Variants in PTGR1 observed in about 807,000 individuals in gnomAD.
PTGR1 encodes the protein 15-oxoprostaglandin 13-reductase.
Under a neutral mutation model 37.7 loss-of-function variants are expected in PTGR1, and 23 were observed. The ratio of observed to expected loss-of-function variants is 0.61; its 90% CI spans 0.44 to 0.86. The LOEUF (loss-of-function observed/expected upper bound fraction) is 0.86, where lower values mean the gene tolerates loss of function less well. PTGR1 is among the 40% of genes least tolerant of loss of function. The pLI is 0.00. For synonymous variants in PTGR1, 134 were observed against 140.0 expected (o/e 0.96, Z 0.30); for missense variants, 351 against 394.3 (o/e 0.89, Z 0.93).
chr9:111,549,797 G>C (rs1210107226), exon 10 of PTGR1: 3 of 1,527,652 alleles, frequency 2.0e-6, no homozygotes, highest in East Asian at 2.5e-5. Flanking sequence ...TTTCTCTTTT[G>C]ATCTGTCAAC....
At chr9:111,595,919 C>T (rs1175198640) in intron 2 of PTGR1, among the ~76,000 whole-genome samples, 2 of 152,044 alleles carry the variant, frequency 1.3e-5, no homozygotes, top group Non-Finnish European at 2.9e-5. Flanking sequence ...AGGTGTGAGC[C>T]GCCACACCCA....
downstream of PTGR1, among the ~76,000 whole-genome samples, chr9:111,559,865 CA>C (rs1316932471): frequency 6.6e-6 from 1 of 152,188 alleles, no homozygotes. Context: ...CCCTGTCCTT[CA>C]GGCATTCCTT....
intron 1 of PTGR1, among the ~76,000 whole-genome samples, chr9:111,598,785 G>T (rs1829856780): frequency 6.6e-6 from 1 of 152,120 alleles, no homozygotes; most frequent in South Asian, 2.1e-4. Context: ...GTGAGCCACC[G>T]CGCCAGGCCC....
downstream of PTGR1, among the ~76,000 whole-genome samples, chr9:111,559,220 G>A (rs1828205832): frequency 6.6e-6 from 1 of 152,032 alleles, no homozygotes; most frequent in Admixed American, 6.5e-5. Context: ...CCTCTGCTAG[G>A]GATCACATAC....
At chr9:111,597,266 G>T (rs1007542419) in intron 2 of PTGR1, 51 bp downstream of exon 2, 1 of 1,372,800 alleles carries the variant, frequency 7.3e-7, no homozygotes, top group South Asian at 1.2e-5. Context: ...TGCAGCAAAA[G>T]CTAACTGATA....
chr9:111,551,394 GTTTTTGTTTTTTTTTTTTT>G (rs1378390222), intron 9 of PTGR1, among the ~76,000 whole-genome samples: 1 of 115,498 alleles, frequency 8.7e-6, no homozygotes, highest in African/African-American at 3.4e-5. Flanking sequence ...CAAGTATCCA[GTTTTTGTTTTTTTTTTTTT>G]TTTTTTTTTT....
At chr9:111,591,583 T>A (rs1007322660) in intron 4 of PTGR1, among the ~76,000 whole-genome samples, 17 of 151,934 alleles carry the variant, frequency 1.1e-4, no homozygotes, top group African/African-American at 3.6e-4. Context: ...TTGGCCAGGC[T>A]GGTCTCGAAC....
In PTGR1 at chr9:111,587,279, A is replaced by G. The variant is rs537574000; in HGVS notation, c.210-1114T>C. On this transcript the variant is annotated intron_variant, in intron 4 of 9. Coordinates refer to ENST00000407693, the MANE Select transcript of PTGR1 (RefSeq NM_001146108.2). ...ATCCAACTCTTTATCCTTCTTTACC[A>G]TCTTTCCTTCCCAGATCATAAAGTT... 2.0e-5 allele frequency among the ~76,000 whole-genome samples: 3 copies of G among 152,058 alleles called. No individual in the cohort carries two copies. The East Asian group carries it at 5.8e-4, about 29-fold the overall frequency.
At chr9:111,558,481 C>A (rs1015136040), downstream of PTGR1, among the ~76,000 whole-genome samples, 1 of 152,122 alleles carries the variant, frequency 6.6e-6, no homozygotes, top group African/African-American at 2.4e-5. Context: ...AGTTTGAAGT[C>A]AGCCTGGACA....
intron 9 of PTGR1, among the ~76,000 whole-genome samples, chr9:111,567,221 C>T (rs937131428): frequency 6.6e-6 from 1 of 152,152 alleles, no homozygotes; most frequent in Non-Finnish European, 1.5e-5. Context: ...TGGAGTTGTA[C>T]TCTGTCACTG....
chr9:111,599,000 T>G (rs1004080556), intron 1 of PTGR1, among the ~76,000 whole-genome samples: 2 of 152,108 alleles, frequency 1.3e-5, no homozygotes, highest in Non-Finnish European at 2.9e-5. Flanking sequence ...TCGTTATTTC[T>G]ATGAGTTCAA....
rs1352834946 is a variant in PTGR1, at chr9:111,596,003, C to T, written c.106+1314G>A. On this transcript the variant is annotated intron_variant, in intron 2 of 9. Coordinates refer to ENST00000407693, the MANE Select transcript of PTGR1 (RefSeq NM_001146108.2). ...TGCTTACCTCACTGCCATCATCAGG[C>T]TTATGAGGATAGAGAGGACATCCTC... Among the ~76,000 whole-genome samples, 6 of 152,264 alleles carry T rather than the reference C, an allele frequency of 3.9e-5. No individual in the cohort carries two copies. The East Asian group carries it at 1.2e-3, about 29-fold the overall frequency.
At chr9:111,592,721 G>T in intron 4 of PTGR1, 2 of 594,602 alleles carry the variant, frequency 3.4e-6, no homozygotes, top group Non-Finnish European at 5.3e-6. Context: ...GCAAAGTGAA[G>T]CTGAAAAAAT....
At chr9:111,564,189 G>A (rs1331699626) in intron 9 of PTGR1, 1 of 1,043,026 alleles carries the variant, frequency 9.6e-7, no homozygotes, top group Non-Finnish European at 1.2e-6. Flanking sequence ...GTATTCCAGT[G>A]ATGGCTTAGC....
At chr9:111,585,494 A>G (rs4979009) in intron 5 of PTGR1, among the ~76,000 whole-genome samples, 57,854 of 152,120 alleles carry the variant, frequency 0.38, 11,760 homozygotes, top group African/African-American at 0.52. Flanking sequence ...GTAAGAAGGT[A>G]TTAATTTTAG....
chr9:111,558,335 C>G (rs1003765306), downstream of PTGR1, among the ~76,000 whole-genome samples: 1 of 152,096 alleles, frequency 6.6e-6, no homozygotes, highest in Non-Finnish European at 1.5e-5. Context: ...TGGCTGTGTT[C>G]TTTCAACATG....
At chr9:111,581,517 A>C (rs1177214174) in intron 6 of PTGR1, among the ~76,000 whole-genome samples, 4 of 152,246 alleles carry the variant, frequency 2.6e-5, no homozygotes. Context: ...GAAAAGTCTA[A>C]TTACCTACAA....
intron 9 of PTGR1, among the ~76,000 whole-genome samples, chr9:111,550,171 C>T (rs1331043747): frequency 6.6e-6 from 1 of 152,172 alleles, no homozygotes; most frequent in Non-Finnish European, 1.5e-5. Context: ...TTTACAGAGC[C>T]TGCGTTTTTC....
rs147561300 is a variant in PTGR1 at position 111,576,612 on chromosome 9, T to C, written c.652-1770A>G. 1.2e-4 allele frequency: 67 copies of C among 562,862 alleles called. No homozygotes were observed. The East Asian group carries it at 1.9e-3, about 16-fold the overall frequency. The allele number at this position is 562,862 out of a possible 1,614,324, so 34.9% of individuals were successfully genotyped here. A position where few individuals can be genotyped will look rare whatever the true frequency, so the allele number is the denominator to read the frequency against. ...GAACCTCCTTTTGTCTTTCATAAAA[T>C]AAAAGCTACTAGGATGAGTTGTTTT... On this transcript the variant is annotated intron_variant, in intron 7 of 9. Transcript: ENST00000407693.
Sources: gnomAD v4.1 joint callset for allele counts (sites outside exome capture counted in the v4.1 genomes callset) on GRCh38, gnomAD v4.1.1 for gene constraint, MANE v1.5 for transcripts, NCBI Gene and HGNC (gene_info 2026-07-23, HGNC 2026-07-21) for gene names.